ANKS1B: variants seen among roughly 807,000 people sequenced by gnomAD.
ANKS1B encodes the protein ankyrin repeat and sterile alpha motif domain containing 1B.
Under a neutral mutation model 148.3 loss-of-function variants are expected in ANKS1B, and 36 were observed. That is an observed-to-expected ratio of 0.24 (90% CI 0.19 to 0.32). ANKS1B has a LOEUF of 0.32. ANKS1B is among the 10% of genes least tolerant of loss of function. ANKS1B has a pLI of 1.00. For missense variants in ANKS1B, 1,157 were observed against 1,542.6 expected (o/e 0.75, Z 4.19); for synonymous variants, 542 against 560.8 (o/e 0.97, Z 0.47).
At chr12:99,344,522 A>G (rs886597876) in intron 12 of ANKS1B, among the ~76,000 whole-genome samples, 1 of 152,064 alleles carries the variant, frequency 6.6e-6, no homozygotes, top group African/African-American at 2.4e-5. Context: ...TAAGAACATC[A>G]GGTTCTGACA....
At chr12:99,471,434 T>G (rs145535040) in intron 10 of ANKS1B, among the ~76,000 whole-genome samples, 2,227 of 152,218 alleles carry the variant, frequency 0.015, 28 homozygotes, top group Middle Eastern at 0.024. Context: ...ATGAATGTGT[T>G]ATAAGTTTTG....
At chr12:98,850,459 ATTTTTTTT>A (rs59294440) in intron 17 of ANKS1B, among the ~76,000 whole-genome samples, 3 of 70,486 alleles carry the variant, frequency 4.3e-5, no homozygotes, top group East Asian at 5.2e-4. Context: ...GAAGCATTGC[ATTTTTTTT>A]TTTTTTTTTT....
intron 8 of ANKS1B, among the ~76,000 whole-genome samples, chr12:99,664,154 CT>C (rs58457230): frequency 9.9e-4 from 145 of 147,188 alleles, no homozygotes; most frequent in East Asian, 3.7e-3. Flanking sequence ...AAAGTTTAAA[CT>C]TTTTTTTTTT....
At chr12:99,873,132 T>C (rs141317949) in intron 1 of ANKS1B, among the ~76,000 whole-genome samples, 1 of 152,308 alleles carries the variant, frequency 6.6e-6, no homozygotes, top group African/African-American at 2.4e-5. Flanking sequence ...TGTCAATCAC[T>C]TAGCACTGTG....
chr12:99,598,775 T>A (rs1196168713), intron 9 of ANKS1B, among the ~76,000 whole-genome samples: 1 of 152,066 alleles, frequency 6.6e-6, no homozygotes, highest in African/African-American at 2.4e-5. Context: ...TACACGGAAA[T>A]AACAGAAACA....
chr12:99,224,457 G>C (rs2085570577), intron 14 of ANKS1B, among the ~76,000 whole-genome samples: 2 of 152,122 alleles, frequency 1.3e-5, no homozygotes, highest in Admixed American at 6.5e-5. Flanking sequence ...GATAGTGAGT[G>C]AGTTCTCTCG....
intron 8 of ANKS1B, among the ~76,000 whole-genome samples, chr12:99,670,656 A>G (rs772240905): frequency 1.1e-4 from 16 of 152,192 alleles, no homozygotes; most frequent in Non-Finnish European, 1.9e-4. Flanking sequence ...GACCAAAATT[A>G]TAAGCATTAC....
intron 10 of ANKS1B, among the ~76,000 whole-genome samples, chr12:99,454,343 A>G (rs2095810229): frequency 6.6e-6 from 1 of 152,254 alleles, no homozygotes; most frequent in Non-Finnish European, 1.5e-5. Context: ...CCACAAGGCT[A>G]TAGTCACTTT....
At chr12:99,932,967 A>G (rs991432494) in intron 1 of ANKS1B, among the ~76,000 whole-genome samples, 1 of 152,132 alleles carries the variant, frequency 6.6e-6, no homozygotes, top group Non-Finnish European at 1.5e-5. Context: ...GTCCAGTTTC[A>G]TTCTTGTGCA....
intron 4 of ANKS1B, among the ~76,000 whole-genome samples, chr12:99,797,374 C>A (rs1406682588): frequency 6.6e-6 from 1 of 151,842 alleles, no homozygotes; most frequent in Admixed American, 6.6e-5. Context: ...ACCGGCCAGA[C>A]CTTGAAAAAT....
chr12:99,009,378 G>A (rs2099937980), intron 17 of ANKS1B, among the ~76,000 whole-genome samples: 1 of 152,230 alleles, frequency 6.6e-6, no homozygotes, highest in Non-Finnish European at 1.5e-5. Flanking sequence ...CTGGACAGAT[G>A]AAAAGGATTT....
chr12:99,161,348 G>A (rs913276078), intron 14 of ANKS1B, among the ~76,000 whole-genome samples: 16 of 152,192 alleles, frequency 1.1e-4, no homozygotes, highest in Middle Eastern at 6.8e-3. Flanking sequence ...GGGCAACATA[G>A]CAAGCCCTCT....
At chr12:99,853,346 C>A (rs1398116577) in intron 1 of ANKS1B, among the ~76,000 whole-genome samples, 1 of 152,184 alleles carries the variant, frequency 6.6e-6, no homozygotes, top group Non-Finnish European at 1.5e-5. Context: ...TCCCCTGCTA[C>A]ACCCACAAGA....
intron 12 of ANKS1B, among the ~76,000 whole-genome samples, chr12:99,267,127 G>C (rs1426903612): frequency 6.6e-6 from 1 of 152,202 alleles, no homozygotes; most frequent in Admixed American, 6.5e-5. Flanking sequence ...CTCCAAATCA[G>C]TGACATTCAG....
At position 98,781,106 on chromosome 12, in the gene ANKS1B, G is replaced by A. The variant is rs746933195; in HGVS notation, c.3441+11C>T. 6.6e-7 allele frequency: 1 copy of A among 1,518,524 alleles called. No homozygotes were observed. Among genetic ancestry groups the A allele is most frequent in the South Asian group, 1.2e-5 (1 of 83,250 alleles). 94.1% of individuals were successfully genotyped at this position (1,518,524 alleles called of 1,614,324 possible). Reference sequence around the variant, plus strand: ...TCTGGTGTCTAAACCAGAGAGAGGAGTGGTACTTACCTTATTTGTTGCATC... The same window carrying A: ...TCTGGTGTCTAAACCAGAGAGAGGAATGGTACTTACCTTATTTGTTGCATC... On this transcript the variant is annotated intron_variant, in intron 24 of 26. Coordinates refer to ENST00000683438, the MANE Select transcript of ANKS1B (RefSeq NM_001352186.2).
chr12:99,563,657 A>T (rs1466438548), intron 9 of ANKS1B, among the ~76,000 whole-genome samples: 1 of 152,216 alleles, frequency 6.6e-6, no homozygotes, highest in African/African-American at 2.4e-5. Context: ...GATGAAAATT[A>T]ACAAAATGGA....
chr12:98,788,797 G>T (rs1216869594), intron 22 of ANKS1B, among the ~76,000 whole-genome samples: 1 of 152,218 alleles, frequency 6.6e-6, no homozygotes, highest in Non-Finnish European at 1.5e-5. Flanking sequence ...CTGCTGCTGT[G>T]CATGTAAACT....
chr12:99,466,802 T>C (rs1315944462), intron 10 of ANKS1B, among the ~76,000 whole-genome samples: 1 of 151,842 alleles, frequency 6.6e-6, no homozygotes, highest in Non-Finnish European at 1.5e-5. Context: ...AATCAATAGC[T>C]TACCAACCAA....
intron 22 of ANKS1B, among the ~76,000 whole-genome samples, chr12:98,794,126 T>C (rs959683539): frequency 6.6e-6 from 1 of 152,066 alleles, no homozygotes; most frequent in Non-Finnish European, 1.5e-5. Flanking sequence ...GCGCGGTGGC[T>C]CACGCCTGTA....
Sources: allele counts gnomAD v4.1 joint callset (sites outside exome capture counted in the v4.1 genomes callset), GRCh38; gene constraint gnomAD v4.1.1; transcripts MANE v1.5; gene names NCBI Gene and HGNC (gene_info 2026-07-23, HGNC 2026-07-21).